HS3ST4: variants seen among roughly 807,000 people sequenced by gnomAD.
HS3ST4 encodes the protein heparan sulfate glucosamine 3-O-sulfotransferase 4.
In HS3ST4, 17 loss-of-function variants were observed where a neutral mutation model predicts 29.2. That is an observed-to-expected ratio of 0.58 (90% confidence interval 0.40 to 0.87). The LOEUF (loss-of-function observed/expected upper bound fraction) is 0.87, where lower values mean the gene tolerates loss of function less well. Among genes scored for constraint, HS3ST4 ranks in the 40% least tolerant of loss-of-function variants. The pLI, the probability that HS3ST4 is intolerant of heterozygous loss-of-function variation, is 0.00. For missense variants in HS3ST4, 627 were observed against 634.5 expected (o/e 0.99, Z 0.13); for synonymous variants, 314 against 285.7 (o/e 1.10, Z -1.00).
chr16:25,894,018 A>G (rs1267739960), intron 1 of HS3ST4, among the ~76,000 whole-genome samples: 1 of 152,164 alleles, frequency 6.6e-6, no homozygotes, highest in African/African-American at 2.4e-5. Context: ...TCCTTGTACT[A>G]ATGCATGTCA....
chr16:25,740,829 C>G (rs1347741758), intron 1 of HS3ST4, among the ~76,000 whole-genome samples: 1 of 152,180 alleles, frequency 6.6e-6, no homozygotes, highest in Non-Finnish European at 1.5e-5. Context: ...CCCCTCAAAA[C>G]TCACATTCCT....
intron 1 of HS3ST4, among the ~76,000 whole-genome samples, chr16:26,091,721 TAGGG>T (rs1244088890): frequency 4.6e-5 from 7 of 152,138 alleles, no homozygotes; most frequent in Non-Finnish European, 1.0e-4. Flanking sequence ...CATGCATACT[TAGGG>T]AGGAAGAGAA....
intron 1 of HS3ST4, among the ~76,000 whole-genome samples, chr16:25,919,953 A>C (rs766023426): frequency 7.2e-5 from 11 of 152,118 alleles, no homozygotes; most frequent in Non-Finnish European, 1.5e-4. Context: ...AAAACACCCA[A>C]TCCTCCTCCC....
chr16:25,815,708 G>T (rs1967086667), intron 1 of HS3ST4, among the ~76,000 whole-genome samples: 1 of 152,164 alleles, frequency 6.6e-6, no homozygotes, highest in African/African-American at 2.4e-5. Flanking sequence ...CATGTGAGGG[G>T]CTAACTGAAA....
chr16:25,850,742 A>T (rs1277132242), intron 1 of HS3ST4, among the ~76,000 whole-genome samples: 1 of 152,180 alleles, frequency 6.6e-6, no homozygotes, highest in African/African-American at 2.4e-5. Context: ...TAAGAAAGAA[A>T]AGAGTGCTTC....
intron 1 of HS3ST4, among the ~76,000 whole-genome samples, chr16:26,095,437 A>C (rs1898910236): frequency 6.6e-6 from 1 of 152,240 alleles, no homozygotes; most frequent in South Asian, 2.1e-4. Flanking sequence ...CAGTGCCATC[A>C]AGTTAGAACT....
At chr16:26,064,189 A>T (rs747096896) in intron 1 of HS3ST4, among the ~76,000 whole-genome samples, 2 of 152,172 alleles carry the variant, frequency 1.3e-5, no homozygotes, top group Non-Finnish European at 2.9e-5. Flanking sequence ...TCTCCAATAG[A>T]TGTCATACAG....
intron 1 of HS3ST4, among the ~76,000 whole-genome samples, chr16:25,823,369 A>G (rs1292812643): frequency 2.0e-5 from 3 of 152,198 alleles, no homozygotes; most frequent in Non-Finnish European, 2.9e-5. Context: ...CTCCTTTCCT[A>G]CGATAATGAC....
intron 1 of HS3ST4, among the ~76,000 whole-genome samples, chr16:25,757,798 A>G (rs758019571): frequency 2.6e-5 from 4 of 151,890 alleles, no homozygotes; most frequent in Admixed American, 6.6e-5. Context: ...GCTTTTAGAG[A>G]ATCAAAACTT....
intron 1 of HS3ST4, among the ~76,000 whole-genome samples, chr16:26,044,312 A>C (rs1898241023): frequency 6.6e-6 from 1 of 152,220 alleles, no homozygotes; most frequent in Non-Finnish European, 1.5e-5. Flanking sequence ...AGGGAGGAGG[A>C]AAAGACGGAA....
intron 1 of HS3ST4, among the ~76,000 whole-genome samples, chr16:25,728,468 A>G (rs4787332): frequency 0.46 from 69,797 of 152,026 alleles, 18,340 homozygotes; most frequent in Middle Eastern, 0.61. Context: ...GATTGGATTA[A>G]ATAAAATAAA....
chr16:25,785,539 G>T (rs1460519151), intron 1 of HS3ST4, among the ~76,000 whole-genome samples: 1 of 152,184 alleles, frequency 6.6e-6, no homozygotes, highest in Non-Finnish European at 1.5e-5. Flanking sequence ...GTAAATTGTG[G>T]CGAGTATTTC....
chr16:25,781,204 T>G (rs1966852294), intron 1 of HS3ST4, among the ~76,000 whole-genome samples: 1 of 152,134 alleles, frequency 6.6e-6, no homozygotes, highest in African/African-American at 2.4e-5. Flanking sequence ...GACATAAAAG[T>G]GTTTACTTGA....
At chr16:25,880,575 C>A (rs1006176877) in intron 1 of HS3ST4, among the ~76,000 whole-genome samples, 8 of 152,128 alleles carry the variant, frequency 5.3e-5, no homozygotes, top group African/African-American at 1.7e-4. Flanking sequence ...AATGTATAGC[C>A]GCTTTCATCT....
chr16:25,909,772 T>C (rs1968217555), intron 1 of HS3ST4, among the ~76,000 whole-genome samples: 1 of 152,262 alleles, frequency 6.6e-6, no homozygotes, highest in Admixed American at 6.5e-5. Flanking sequence ...CAAATTGTCT[T>C]GCTTTATTTA....
intron 1 of HS3ST4, among the ~76,000 whole-genome samples, chr16:25,898,669 G>A (rs1000706205): frequency 3.9e-5 from 6 of 152,200 alleles, no homozygotes; most frequent in African/African-American, 1.4e-4. Context: ...CCGGAAGCAT[G>A]AATATGATGA....
At chr16:26,087,231 T>C (rs747222109) in intron 1 of HS3ST4, among the ~76,000 whole-genome samples, 2 of 152,222 alleles carry the variant, frequency 1.3e-5, no homozygotes, top group South Asian at 2.1e-4. Context: ...TCACTGGCCA[T>C]GCAGAGTGGA....
At chr16:25,783,796 T>C (rs1966854811) in intron 1 of HS3ST4, among the ~76,000 whole-genome samples, 1 of 152,246 alleles carries the variant, frequency 6.6e-6, no homozygotes, top group South Asian at 2.1e-4. Context: ...TTGGAGATTT[T>C]AGAGATTTCA....
intron 1 of HS3ST4, among the ~76,000 whole-genome samples, chr16:25,807,699 A>G (rs745982939): frequency 3.3e-5 from 5 of 152,096 alleles, no homozygotes; most frequent in Non-Finnish European, 5.9e-5. Context: ...GTGGGTTTCC[A>G]TGTTTAGTTT....
Sources: allele counts gnomAD v4.1 joint callset (sites outside exome capture counted in the v4.1 genomes callset), GRCh38; gene constraint gnomAD v4.1.1; transcripts MANE v1.5; gene names NCBI Gene and HGNC (gene_info 2026-07-23, HGNC 2026-07-21).